Variants in PTGER3 observed in about 807,000 individuals in gnomAD.
PTGER3 encodes prostaglandin E receptor 3.
Under a neutral mutation model 34.7 loss-of-function variants are expected in PTGER3, and 22 were observed. That is an observed-to-expected ratio of 0.63 (90% CI 0.45 to 0.91). PTGER3 has a LOEUF of 0.91. Ranked by LOEUF, PTGER3 falls within the 40% of genes least tolerant of loss-of-function variation. The pLI is 0.00. For synonymous variants in PTGER3, 241 were observed against 230.1 expected, an observed-to-expected ratio of 1.05 and a Z score of -0.43; for missense variants, 468 against 519.4, an observed-to-expected ratio of 0.90 and a Z score of 0.96.
chr1:70,984,386 CAA>C lies in PTGER3; in HGVS notation c.1078-10000_1078-9999del, dbSNP rs66985528. The stretch of plus-strand genomic sequence containing the variant: ...TGGGCAGTAGACTGAGACTCTGCCT[CAA>C]AAAAAAAAAAAAAATTCATTAAATT... On this transcript the variant is annotated intron_variant, in intron 2 of 3. Coordinates refer to ENST00000306666, the MANE Select transcript of PTGER3 (RefSeq NM_198719.2). 4.0e-3 allele frequency among the ~76,000 whole-genome samples: 552 copies of C among 138,058 alleles called. 1 individual carries two copies. Among genetic ancestry groups the C allele is most frequent in the Admixed American group, 6.5e-3 (89 of 13,648 alleles). The allele number at this position is 138,058 out of a possible 152,430, so 90.6% of individuals were successfully genotyped here.
At chr1:70,882,134 G>GC (rs1406593655) in intron 4 of PTGER3, among the ~76,000 whole-genome samples, 2 of 152,236 alleles carry the variant, frequency 1.3e-5, no homozygotes, top group African/African-American at 2.4e-5. Flanking sequence ...AAAAAGGCAG[G>GC]CTTTGCCTGC....
chr1:70,959,352 A>ATTT (rs11299533), intron 2 of PTGER3, among the ~76,000 whole-genome samples: 1 of 135,456 alleles, frequency 7.4e-6, no homozygotes, highest in Non-Finnish European at 1.6e-5. Context: ...GTCCTCTTCA[A>ATTT]TTTTTTTTTT....
At chr1:71,046,345 C>T (rs1482013091) in intron 1 of PTGER3, among the ~76,000 whole-genome samples, 1 of 150,978 alleles carries the variant, frequency 6.6e-6, no homozygotes, top group African/African-American at 2.4e-5. Context: ...AGCAATTCTG[C>T]TTTTAATGCA....
At chr1:70,855,234 A>G (rs1046749029) in intron 4 of PTGER3, among the ~76,000 whole-genome samples, 1 of 152,214 alleles carries the variant, frequency 6.6e-6, no homozygotes, top group African/African-American at 2.4e-5. Context: ...AAAGAGACCA[A>G]CACTGTATGA....
At chr1:70,889,217 C>T (rs955357058) in intron 4 of PTGER3, among the ~76,000 whole-genome samples, 5 of 151,736 alleles carry the variant, frequency 3.3e-5, no homozygotes, top group Non-Finnish European at 7.4e-5. Context: ...AGATCAAGAC[C>T]ATCCTGGCTA....
intron 4 of PTGER3, among the ~76,000 whole-genome samples, chr1:70,881,284 G>A (rs1382779136): frequency 1.3e-5 from 2 of 152,006 alleles, no homozygotes; most frequent in Non-Finnish European, 2.9e-5. Context: ...TCTTAAAATG[G>A]CCATTTTATC....
rs747472774 is a variant in PTGER3, at chr1:70,974,353, G to A, written c.1113C>T (p.Ser371=). 2 of 1,257,242 alleles carry A rather than the reference G, an allele frequency of 1.6e-6. No homozygotes were observed. The highest frequency in any genetic ancestry group is 2.3e-6 in the Non-Finnish European group (2 of 854,446). The allele number at this position is 1,257,242 out of a possible 1,614,324, so 77.9% of individuals were successfully genotyped here. ...RYHTNNYASS[S]TSLPCQCSST... ...AGGAACACTGGCAGGGTAAGGAGGT[G>A]GAGCTGGATGCATAGTTGTTTGTGT... is the stretch of plus-strand genomic sequence containing the variant. The change falls in exon 3 of 4, where the codon TCC becomes TCT. Residue 371 remains serine, a synonymous_variant. Coordinates refer to ENST00000306666, the MANE Select transcript of PTGER3 (RefSeq NM_198719.2).
At chr1:70,950,878 T>C (rs972895746), downstream of PTGER3, 10 of 152,092 alleles carry the variant, frequency 6.6e-5, no homozygotes, top group African/African-American at 2.4e-4. Flanking sequence ...TTCATTTTTT[T>C]TGTTGTTGTT....
chr1:71,034,835 A>C (rs1363342372), intron 1 of PTGER3, among the ~76,000 whole-genome samples: 1 of 152,204 alleles, frequency 6.6e-6, no homozygotes, highest in Non-Finnish European at 1.5e-5. Context: ...TTGAAAATTT[A>C]TTGGCCTTTC....
At chr1:70,883,444 A>T (rs941035196) in intron 4 of PTGER3, among the ~76,000 whole-genome samples, 1 of 152,220 alleles carries the variant, frequency 6.6e-6, no homozygotes, top group Non-Finnish European at 1.5e-5. Flanking sequence ...CTTTTGAAGT[A>T]TACCAATTAG....
intron 2 of PTGER3, among the ~76,000 whole-genome samples, chr1:70,996,477 T>C (rs989325883): frequency 6.6e-6 from 1 of 152,008 alleles, no homozygotes; most frequent in African/African-American, 2.4e-5. Flanking sequence ...TATTTTGTTT[T>C]TGTTTTTGAG....
chr1:71,040,313 A>G (rs1469371344), intron 1 of PTGER3, among the ~76,000 whole-genome samples: 2 of 152,140 alleles, frequency 1.3e-5, no homozygotes, highest in Non-Finnish European at 2.9e-5. Context: ...TCAAGTATTC[A>G]GTCAAGGCCA....
At chr1:70,886,759 T>C (rs1646506903) in intron 4 of PTGER3, among the ~76,000 whole-genome samples, 1 of 152,228 alleles carries the variant, frequency 6.6e-6, no homozygotes, top group South Asian at 2.1e-4. Context: ...TCTCCAGGGC[T>C]AAGCACAGAT....
rs1433320864 is a variant in PTGER3 at position 70,959,046 on chromosome 1, C to T, written c.1078-5257G>A. 3.3e-5 allele frequency among the ~76,000 whole-genome samples: 5 copies of T among 152,196 alleles called. No homozygotes were observed. In the South Asian group the frequency reaches 1.0e-3, roughly 32 times the overall value. ...ATTGATCTATGTGTCTATTTTTATG[C>T]CAGTATTATTCTGTGTTGGTTACTA... On this transcript the variant is annotated intron_variant, in intron 2 of 3. Coordinates refer to the PTGER3 transcript ENST00000356595.
intron 2 of PTGER3, chr1:71,009,543 T>C (rs1352127167): frequency 2.0e-6 from 2 of 982,878 alleles, no homozygotes; most frequent in Non-Finnish European, 2.4e-6. Flanking sequence ...TTAAGTAACA[T>C]GTGATCATTC....
At chr1:70,913,072 A>G (rs1163906416) in intron 4 of PTGER3, among the ~76,000 whole-genome samples, 1 of 151,954 alleles carries the variant, frequency 6.6e-6, no homozygotes, top group African/African-American at 2.4e-5. Context: ...ATTATAGATA[A>G]GTTTTGAGAG....
intron 4 of PTGER3, among the ~76,000 whole-genome samples, chr1:70,878,631 C>A (rs1253077208): frequency 6.6e-6 from 1 of 152,100 alleles, no homozygotes; most frequent in Non-Finnish European, 1.5e-5. Context: ...CCCCTTAACA[C>A]TTCCTTAGCT....
intron 2 of PTGER3, 151 bp downstream of exon 2, chr1:71,012,154 C>T: frequency 6.5e-7 from 1 of 1,543,810 alleles, no homozygotes; most frequent in South Asian, 1.3e-5. Context: ...CCTAAATTCA[C>T]AGTAAGGTTT....
At chr1:70,974,513 C>T in intron 2 of PTGER3, 125 bp from the exon 3 acceptor site, 2 of 598,728 alleles carry the variant, frequency 3.3e-6, no homozygotes, top group Non-Finnish European at 6.1e-6. Context: ...ATATTACCTT[C>T]CTAGGACCAT....
Sources: gnomAD v4.1 joint callset for allele counts (sites outside exome capture counted in the v4.1 genomes callset) on GRCh38, gnomAD v4.1.1 for gene constraint, MANE v1.5 for transcripts, NCBI Gene and HGNC (gene_info 2026-07-23, HGNC 2026-07-21) for gene names.